The following BCKDK variants were observed in gnomAD, a reference collection of about 807,000 sequenced individuals.
BCKDK encodes the protein branched-chain alpha-ketoacid dehydrogenase kinase.
BCKDK carries 28 observed loss-of-function variants against 43.9 expected under a neutral mutation model. The ratio of observed to expected loss-of-function variants is 0.64; its 90% CI spans 0.47 to 0.87. The LOEUF (loss-of-function observed/expected upper bound fraction) is 0.87, where lower values mean the gene tolerates loss of function less well. Ranked by LOEUF, BCKDK falls within the 40% of genes least tolerant of loss-of-function variation. BCKDK has a pLI of 0.00. For missense variants in BCKDK, 483 were observed against 581.4 expected (o/e 0.83, Z 1.74); for synonymous variants, 257 against 234.3 (o/e 1.10, Z -0.88).
Position 31,111,520 on chromosome 16 carries a change from C to T in BCKDK, c.935+131C>T, listed in dbSNP as rs2057412347. On this transcript the variant is annotated intron_variant, in intron 10 of 11. Transcript: ENST00000219794. ...TTGGTCCCTGACCAGACAAACTATT[C>T]TCTGAATCCTGAGATGGCCATGAGC... 17 of 1,047,204 alleles carry T rather than the reference C, an allele frequency of 1.6e-5. No homozygotes were observed. The South Asian group carries it at 2.3e-4, about 14-fold the overall frequency. The allele number at this position is 1,047,204 out of a possible 1,614,324, so 64.9% of individuals were successfully genotyped here. A position where few individuals can be genotyped will look rare whatever the true frequency, so the allele number is the denominator to read the frequency against.
rs921395862 is a variant in BCKDK, at chr16:31,111,318, C to T, written c.864C>T (p.His288=). The change falls in exon 10 of 12, where the codon CAC becomes CAT. Residue 288 remains histidine, a synonymous_variant. Transcript: ENST00000219794. ...TGCATAGAGCCACAATGGAGAGTCA[C>T]CTAGACACTCCCTACAATGTCCCAG... The part of the protein sequence containing the change: ...KNAMRATMES[H]LDTPYNVPDV... 1.2e-6 allele frequency: 2 copies of T among 1,614,090 alleles called. No homozygotes were observed. The highest frequency in any genetic ancestry group is 1.7e-6 in the Non-Finnish European group (2 of 1,179,964).
downstream of BCKDK, among the ~76,000 whole-genome samples, chr16:31,115,475 G>A (rs149413078): frequency 3.9e-5 from 6 of 152,008 alleles, no homozygotes; most frequent in East Asian, 3.9e-4. Context: ...TGCCTGCCTC[G>A]GCCTCCCAAA....
chr16:31,110,882 A>G lies in BCKDK; in HGVS notation c.716+121A>G, dbSNP rs1376359698. The stretch of plus-strand genomic sequence containing the variant: ...GTTTCTCAACCATGGCACTATTGAC[A>G]TTTCCAGCCAGATAATTCTTTGTCA... On this transcript the variant is annotated intron_variant, in intron 8 of 11. Coordinates refer to ENST00000219794, the MANE Select transcript of BCKDK (RefSeq NM_005881.4). This position sits in a 1 kb window ranked among gnomAD's most constrained non-coding sequence, Gnocchi z 5.4. 2 of 1,392,378 alleles carry G rather than the reference A, an allele frequency of 1.4e-6. No individual in the cohort carries two copies. The highest frequency in any genetic ancestry group is 1.9e-4 in the Middle Eastern group (1 of 5,182). The allele number at this position is 1,392,378 out of a possible 1,614,324, so 86.3% of individuals were successfully genotyped here. A position where few individuals can be genotyped will look rare whatever the true frequency, so the allele number is the denominator to read the frequency against.
chr16:31,111,351 C>T lies in BCKDK; in HGVS notation c.897C>T (p.Val299=). The change falls in exon 10 of 12, where the codon GTC becomes GTT. Residue 299 remains valine (V), a synonymous_variant. Transcript: ENST00000219794. ...LDTPYNVPDV[V]ITIANNDVDL... is the part of the protein sequence containing the mutation. ...CTCCCTACAATGTCCCAGATGTGGT[C>T]ATCACCATCGCCAACAATGATGTCG... The T allele has an allele frequency of 2.5e-6, 4 of 1,614,108 alleles. No homozygotes were observed. Among genetic ancestry groups the T allele is most frequent in the Non-Finnish European group, 1.7e-6 (2 of 1,180,030 alleles).
chr16:31,110,783 G>A lies in BCKDK; in HGVS notation c.716+22G>A. 1 of 1,610,736 alleles carries A rather than the reference G, an allele frequency of 6.2e-7. No homozygotes were observed. The highest frequency in any genetic ancestry group is 1.3e-5 in the African/African-American group (1 of 74,990). On this transcript the variant is annotated intron_variant, in intron 8 of 11. Coordinates refer to ENST00000219794, the MANE Select transcript of BCKDK (RefSeq NM_005881.4). This position sits in a 1 kb window ranked among gnomAD's most constrained non-coding sequence, Gnocchi z 5.4. ...CCAGGTGAGGCAAGAATGGCTCAGG[G>A]GGTGGGCAGACATCTGGGGCAGGGA...
Position 31,109,187 on chromosome 16 carries a change from A to T in BCKDK, c.-37A>T, listed in dbSNP as rs11540062. ...GGGTCCTCAGTCCTAGCGGATCCTC[A>T]GTCCTAGCGGCCACCGGGTCTGAAA... On this transcript the variant is annotated 5_prime_UTR_variant, in exon 2 of 12. Coordinates refer to ENST00000219794, the MANE Select transcript of BCKDK (RefSeq NM_005881.4). The surrounding 1 kb of genome is among the most constrained non-coding windows in gnomAD (Gnocchi z 5.3). The T allele has an allele frequency of 3.6e-4, 534 of 1,475,372 alleles. 1 individual carries two copies. The African/African-American group carries it at 5.8e-3, about 16-fold the overall frequency. The allele number at this position is 1,475,372 out of a possible 1,614,324, so 91.4% of individuals were successfully genotyped here. A position where few individuals can be genotyped will look rare whatever the true frequency, so the allele number is the denominator to read the frequency against.
Position 31,110,953 on chromosome 16 carries a change from C to T in BCKDK, c.717-138C>T, listed in dbSNP as rs912719353. On this transcript the variant is annotated intron_variant, in intron 8 of 11. Coordinates refer to ENST00000219794, the MANE Select transcript of BCKDK (RefSeq NM_005881.4). The surrounding 1 kb of genome is among the most constrained non-coding windows in gnomAD (Gnocchi z 5.4). ...TTAGGAAGTTCAGCAGCATCCCTGG[C>T]GCCAGCAGTACTGCCTAGTTGTGAC... The T allele has an allele frequency of 9.9e-6, 14 of 1,414,752 alleles. No individual in the cohort carries two copies. The highest frequency in any genetic ancestry group is 2.3e-5 in the East Asian group (1 of 42,872). 87.6% of individuals were successfully genotyped at this position (1,414,752 alleles called of 1,614,324 possible).
In BCKDK at chr16:31,110,605, T is replaced by C; in HGVS notation, c.643-83T>C. The C allele has an allele frequency of 6.3e-7, 1 of 1,587,734 alleles. No individual in the cohort carries two copies. The highest frequency in any genetic ancestry group is 8.6e-7 in the Non-Finnish European group (1 of 1,156,708). ...CTGGGGGCTGAGGCTGTGGGGCTGG[T>C]GCTTTGGGGCAGTTCCGAAGTTGCC... On this transcript the variant is annotated intron_variant, in intron 7 of 11. Coordinates refer to ENST00000219794, the MANE Select transcript of BCKDK (RefSeq NM_005881.4). This position sits in a 1 kb window ranked among gnomAD's most constrained non-coding sequence, Gnocchi z 5.4.
chr16:31,117,389 TAAA>T (rs2057454112), downstream of BCKDK: 1 of 193,036 alleles, frequency 5.2e-6, no homozygotes, highest in South Asian at 2.0e-4. Flanking sequence ...AATAAATAAA[TAAA>T]TAAATAAATT....
rs1484659004 is a variant in BCKDK at position 31,109,248 on chromosome 16, A to C, written c.25A>C (p.Ser9Arg). The C allele has an allele frequency of 3.9e-6, 6 of 1,534,826 alleles. No individual in the cohort carries two copies. The highest frequency in any genetic ancestry group is 5.2e-6 in the Non-Finnish European group (6 of 1,143,362). Residue 9 changes from serine (S) to arginine (R), a missense_variant, in exon 2 of 12, where the codon AGC becomes CGC. Transcript: ENST00000219794. The surrounding 1 kb of genome is among the most constrained non-coding windows in gnomAD (Gnocchi z 5.3). ...GATGATCCTGGCGTCGGTGCTGAGGAGCGGTCCCGGGGGCGGGCTTCCGCT... is the reference window on the plus strand; with the variant it reads ...GATGATCCTGGCGTCGGTGCTGAGGCGCGGTCCCGGGGGCGGGCTTCCGCT... MILASVLRSGPGGGLPLRP... is the reference protein window; with the variant it reads MILASVLRRGPGGGLPLRP...
At position 31,112,185 on chromosome 16, in the gene BCKDK, C is replaced by T. The variant is rs1035318937; in HGVS notation, c.1159C>T (p.Gln387Ter). 23 of 1,612,936 alleles carry T rather than the reference C, an allele frequency of 1.4e-5. No homozygotes were observed. The highest frequency in any genetic ancestry group is 1.8e-5 in the Non-Finnish European group (21 of 1,179,954). ...GTACCTCGGTGGGTCTCTGCAGCTG[C>T]AGTCCCTGCAGGGCATTGGCACGGA... The part of the protein sequence containing the change: ...AEYLGGSLQL[Q>*]SLQGIGTDVY... The change falls in exon 12 of 12, where the codon CAG (glutamine) becomes TAG (stop). Residue 387 changes from glutamine (Q) to a stop codon, truncating the protein, a stop_gained. Transcript: ENST00000219794. LOFTEE classifies it high-confidence loss of function. The surrounding 1 kb of genome is among the most constrained non-coding windows in gnomAD (Gnocchi z 5.0).
At chr16:31,116,053 A>G (rs1238395894), downstream of BCKDK, among the ~76,000 whole-genome samples, 2 of 148,438 alleles carry the variant, frequency 1.3e-5, no homozygotes, top group Non-Finnish European at 3.0e-5. Flanking sequence ...CTGGGACTAC[A>G]GGGGCCCGCC....
At position 31,109,256 on chromosome 16, in the gene BCKDK, C is replaced by A. The variant is rs757865336; in HGVS notation, c.33C>A (p.Pro11=). 4 of 1,549,346 alleles carry A rather than the reference C, an allele frequency of 2.6e-6. No homozygotes were observed. MILASVLRSG[P]GGGLPLRPLL... is the part of the protein sequence containing the mutation. The stretch of plus-strand genomic sequence containing the variant: ...TGGCGTCGGTGCTGAGGAGCGGTCC[C>A]GGGGGCGGGCTTCCGCTCCGGCCCC... Residue 11 remains proline (P), a synonymous_variant, in exon 2 of 12, where the codon CCC becomes CCA. Transcript: ENST00000219794. The surrounding 1 kb of genome is among the most constrained non-coding windows in gnomAD (Gnocchi z 5.3).
Position 31,109,158 on chromosome 16 carries a change from G to A in BCKDK, c.-66G>A. The A allele has an allele frequency of 5.1e-6, 7 of 1,384,974 alleles. No homozygotes were observed. Among genetic ancestry groups the A allele is most frequent in the Non-Finnish European group, 6.6e-6 (7 of 1,062,808 alleles). 85.8% of individuals were successfully genotyped at this position (1,384,974 alleles called of 1,614,324 possible). ...ACACCCCCTTGCCCCATTTTGGGTC[G>A]CCTGGGTCCTCAGTCCTAGCGGATC... On this transcript the variant is annotated 5_prime_UTR_variant, in exon 2 of 12. Transcript: ENST00000219794. This position sits in a 1 kb window ranked among gnomAD's most constrained non-coding sequence, Gnocchi z 5.3.
chr16:31,117,514 A>G (rs2057455851), downstream of BCKDK: 1 of 481,538 alleles, frequency 2.1e-6, no homozygotes, highest in Non-Finnish European at 3.4e-6. Flanking sequence ...ACTGCCGCAC[A>G]CTCAACATCC....
At chr16:31,113,536 G>A (rs1230775807), downstream of BCKDK, among the ~76,000 whole-genome samples, 1 of 152,166 alleles carries the variant, frequency 6.6e-6, no homozygotes, top group East Asian at 1.9e-4. Context: ...CTGGAATATG[G>A]TGGCTGCAGA....
chr16:31,117,640 A>T, downstream of BCKDK: 2 of 1,356,564 alleles, frequency 1.5e-6, no homozygotes, highest in South Asian at 1.7e-5. Flanking sequence ...GAGCCAAAAG[A>T]ACTGCGTGGC....
downstream of BCKDK, among the ~76,000 whole-genome samples, chr16:31,116,613 C>T (rs1200208881): frequency 6.6e-6 from 1 of 151,860 alleles, no homozygotes; most frequent in Non-Finnish European, 1.5e-5. Flanking sequence ...GTAGTCTCTT[C>T]AACCTTCAAA....
rs2057397252 is a variant in BCKDK, at chr16:31,110,011, TG to T, written c.376-61del. On this transcript the variant is annotated intron_variant, in intron 4 of 11. Transcript: ENST00000219794. The surrounding 1 kb of genome is among the most constrained non-coding windows in gnomAD (Gnocchi z 5.4). ...CTGGGTGGTGATCCCCATGGGTAGG[TG>T]GGGGTGGCTGTTCTCTGCTCAGTGC... The T allele has an allele frequency of 6.2e-7, 1 of 1,604,850 alleles. No homozygotes were observed. Among genetic ancestry groups the T allele is most frequent in the African/African-American group, 1.3e-5 (1 of 74,834 alleles).
Sources: gnomAD v4.1 joint callset for allele counts (sites outside exome capture counted in the v4.1 genomes callset) on GRCh38, gnomAD v4.1.1 for gene constraint, Gnocchi (gnomAD v3.1) non-coding constraint, MANE v1.5 for transcripts, NCBI Gene and HGNC (gene_info 2026-07-23, HGNC 2026-07-21) for gene names.